The following NUDCD1 variants were observed in gnomAD, a reference collection of about 807,000 sequenced individuals.
NUDCD1 encodes NudC domain containing 1, also known as nudC domain-containing protein 1.
NUDCD1 carries 60 observed loss-of-function variants against 67.8 expected under a neutral mutation model. The observed-to-expected ratio is 0.88, with a 90% CI of 0.72 to 1.10. NUDCD1 has a LOEUF of 1.10. Ranked by LOEUF, NUDCD1 falls within the 50% of genes least tolerant of loss-of-function variation. The probability of loss-of-function intolerance (pLI) is 0.00; values close to 1 mark genes in which losing one functional copy is unlikely to be tolerated. For missense variants in NUDCD1, 643 were observed against 695.0 expected, an observed-to-expected ratio of 0.93 and a Z score of 0.84; for synonymous variants, 244 against 230.8, an observed-to-expected ratio of 1.06 and a Z score of -0.52.
At chr8:109,282,351 T>C (rs975956105) in intron 5 of NUDCD1, among the ~76,000 whole-genome samples, 1 of 152,164 alleles carries the variant, frequency 6.6e-6, no homozygotes, top group South Asian at 2.1e-4. Context: ...TAGGTTAAAC[T>C]GCATAGCCCA....
chr8:109,261,221 CAGT>C (rs2129915419), intron 8 of NUDCD1, among the ~76,000 whole-genome samples: 1 of 152,206 alleles, frequency 6.6e-6, no homozygotes, highest in African/African-American at 2.4e-5. Context: ...ATTTTTAAAA[CAGT>C]AGGCTACAAA....
chr8:109,315,508 A>T (rs1226493606), intron 2 of NUDCD1: 1 of 152,190 alleles, frequency 6.6e-6, no homozygotes, highest in African/African-American at 2.4e-5. Flanking sequence ...ATCCCATTCA[A>T]TTTCCAAAGA....
intron 2 of NUDCD1, among the ~76,000 whole-genome samples, chr8:109,309,279 A>G (rs1815183767): frequency 6.6e-6 from 1 of 152,254 alleles, no homozygotes; most frequent in African/African-American, 2.4e-5. Flanking sequence ...AGTGGGTTTC[A>G]TACCACAGAT....
chr8:109,298,903 C>T (rs910707019), intron 2 of NUDCD1: 2 of 152,218 alleles, frequency 1.3e-5, no homozygotes, highest in African/African-American at 4.8e-5. Context: ...ATTGCTCCTA[C>T]AGGACCCGGG....
chr8:109,243,249 A>T lies in NUDCD1; in HGVS notation c.1512T>A (p.Asn504Lys), dbSNP rs780121984. 1 of 1,607,458 alleles carries T rather than the reference A, an allele frequency of 6.2e-7. No homozygotes were observed. Among genetic ancestry groups the T allele is most frequent in the East Asian group, 2.2e-5 (1 of 44,746 alleles). The change falls in exon 10 of 10, where the codon AAT (asparagine) becomes AAA (lysine). Residue 504 changes from asparagine to lysine, a missense_variant. Asn to Lys is a moderately conservative substitution (Grantham distance 94, BLOSUM62 0). Transcript: ENST00000239690. ...ACTCACAAAGGGCTGCATACGAGTAATTTGGAGCACAGGCAAAAAATTTTT... is the reference window on the plus strand; with the variant it reads ...ACTCACAAAGGGCTGCATACGAGTATTTTGGAGCACAGGCAAAAAATTTTT... ...RDKKFFACAP[N>K]YSYAALCECL...
chr8:109,264,858 T>G (rs2129928039), intron 8 of NUDCD1, among the ~76,000 whole-genome samples: 1 of 152,000 alleles, frequency 6.6e-6, no homozygotes, highest in East Asian at 1.9e-4. Context: ...CTACTTTTTT[T>G]TTTTTTACTC....
chr8:109,268,440 A>T (rs555156640), intron 8 of NUDCD1, among the ~76,000 whole-genome samples: 1 of 152,312 alleles, frequency 6.6e-6, no homozygotes, highest in South Asian at 2.1e-4. Context: ...TGTATCAGTA[A>T]TAATGGTTTT....
chr8:109,289,547 A>G lies in NUDCD1; in HGVS notation c.823+204T>C, dbSNP rs147357309. ...TTTTAAAAAAACATTTTTGGTAATA[A>G]CAAAATGATCAAATTAAACCAGTTC... is the stretch of plus-strand genomic sequence containing the variant. On this transcript the variant is annotated intron_variant, in intron 5 of 9. Coordinates refer to ENST00000239690, the MANE Select transcript of NUDCD1 (RefSeq NM_032869.4). Among the ~76,000 whole-genome samples the G allele has an allele frequency of 2.5e-3, 374 of 152,344 alleles. 6 individuals are homozygous for G. In the South Asian group the frequency reaches 0.031, roughly 13 times the overall value.
At chr8:109,258,457 A>C (rs1006658247) in intron 8 of NUDCD1, among the ~76,000 whole-genome samples, 3 of 151,968 alleles carry the variant, frequency 2.0e-5, no homozygotes, top group Non-Finnish European at 4.4e-5. Context: ...AGGAACATAG[A>C]CTTCATCTCA....
intron 8 of NUDCD1, among the ~76,000 whole-genome samples, chr8:109,254,528 T>C (rs1487620756): frequency 1.3e-5 from 2 of 152,138 alleles, no homozygotes; most frequent in Non-Finnish European, 2.9e-5. Flanking sequence ...ACTCCATAAA[T>C]CCTTTGGGCA....
intron 8 of NUDCD1, among the ~76,000 whole-genome samples, chr8:109,270,329 T>TAA (rs74847351): frequency 7.2e-6 from 1 of 138,568 alleles, no homozygotes; most frequent in Admixed American, 7.2e-5. Flanking sequence ...AACTTGACAG[T>TAA]AAAAAAAAAA....
chr8:109,293,019 T>C (rs1219600431), intron 4 of NUDCD1, among the ~76,000 whole-genome samples: 1 of 152,072 alleles, frequency 6.6e-6, no homozygotes, highest in Non-Finnish European at 1.5e-5. Flanking sequence ...GTTTTAGGTA[T>C]ATGTTTCTGT....
In NUDCD1 at chr8:109,242,615, T is replaced by G. The variant is rs575950016; in HGVS notation, c.*394A>C. 1 of 164,406 alleles carries G rather than the reference T, an allele frequency of 6.1e-6. No homozygotes were observed. The highest frequency in any genetic ancestry group is 2.4e-5 in the African/African-American group (1 of 41,968). 10.2% of individuals were successfully genotyped at this position (164,406 alleles called of 1,614,324 possible). On this transcript the variant is annotated 3_prime_UTR_variant, in exon 10 of 10. Coordinates refer to ENST00000239690, the MANE Select transcript of NUDCD1 (RefSeq NM_032869.4). ...AATACATATGTACAATACTCAACATTTAACTATTATCCTGTACATCTTATA... is the reference window on the plus strand; with the variant it reads ...AATACATATGTACAATACTCAACATGTAACTATTATCCTGTACATCTTATA...
At chr8:109,286,306 C>A (rs1245061474) in intron 5 of NUDCD1, among the ~76,000 whole-genome samples, 1 of 152,078 alleles carries the variant, frequency 6.6e-6, no homozygotes. Context: ...AAACACTATT[C>A]TAAAATTCGT....
chr8:109,322,478 A>G lies in NUDCD1; in HGVS notation c.119-15T>C, dbSNP rs768971414. 11 of 1,574,312 alleles carry G rather than the reference A, an allele frequency of 7.0e-6. No individual in the cohort carries two copies. In the African/African-American group the frequency reaches 1.5e-4, roughly 21 times the overall value. ...CTCTGCCACAGCTGAAATACAAGAA[A>G]AGCAAACATAAACATCAAGAGTTTT... On this transcript the variant is annotated splice_polypyrimidine_tract_variant and intron_variant, in intron 1 of 9. Coordinates refer to ENST00000239690, the MANE Select transcript of NUDCD1 (RefSeq NM_032869.4).
intron 2 of NUDCD1, among the ~76,000 whole-genome samples, chr8:109,306,890 C>T (rs905449995): frequency 6.6e-6 from 1 of 152,162 alleles, no homozygotes; most frequent in East Asian, 1.9e-4. Flanking sequence ...ACTCTATGTT[C>T]CCATGCTGCC....
At chr8:109,329,689 C>G in intron 1 of NUDCD1, 2 of 852,868 alleles carry the variant, frequency 2.3e-6, no homozygotes, top group Non-Finnish European at 3.5e-6. Flanking sequence ...GATGATTTCA[C>G]GGGTGTATAC....
intron 1 of NUDCD1, among the ~76,000 whole-genome samples, chr8:109,332,729 A>T (rs553692449): frequency 1.3e-5 from 2 of 152,330 alleles, no homozygotes; most frequent in South Asian, 4.1e-4. Flanking sequence ...AAACATGGTG[A>T]TACCATCTAC....
intron 8 of NUDCD1, among the ~76,000 whole-genome samples, chr8:109,263,782 A>C (rs1043182367): frequency 5.9e-5 from 9 of 152,136 alleles, no homozygotes; most frequent in African/African-American, 2.2e-4. Flanking sequence ...TTTCATAGTA[A>C]TACTAGGATG....
Sources: gnomAD v4.1 joint callset for allele counts (sites outside exome capture counted in the v4.1 genomes callset) on GRCh38, gnomAD v4.1.1 for gene constraint, MANE v1.5 for transcripts, NCBI Gene and HGNC (gene_info 2026-07-23, HGNC 2026-07-21) for gene names.